The following SCP2 variants were observed in gnomAD, a reference collection of about 807,000 sequenced individuals.
SCP2 encodes the protein SCP-2/3-oxoacyl-CoA thiolase.
SCP2 carries 48 observed loss-of-function variants against 71.4 expected under a neutral mutation model. The ratio of observed to expected loss-of-function variants is 0.67; its 90% CI spans 0.53 to 0.86. SCP2 has a LOEUF of 0.86. Ranked by LOEUF, SCP2 falls within the 40% of genes least tolerant of loss-of-function variation. SCP2 has a pLI of 0.00. For missense variants in SCP2, 560 were observed against 655.6 expected (o/e 0.85, Z 1.59); for synonymous variants, 220 against 218.1 (o/e 1.01, Z -0.08).
intron 11 of SCP2, among the ~76,000 whole-genome samples, chr1:52,989,156 A>G (rs1659253112): frequency 6.6e-6 from 1 of 152,208 alleles, no homozygotes; most frequent in African/African-American, 2.4e-5. Context: ...ACAATATACT[A>G]TTATTATTGT....
intron 2 of SCP2, among the ~76,000 whole-genome samples, chr1:52,944,520 C>T (rs1056066177): frequency 1.3e-5 from 2 of 152,108 alleles, no homozygotes; most frequent in Non-Finnish European, 2.9e-5. Flanking sequence ...TAAATGTTCT[C>T]CTCTCAATTG....
At position 52,987,602 on chromosome 1, in the gene SCP2, T is replaced by C. The variant is rs148325811; in HGVS notation, c.974-427T>C. Among the ~76,000 whole-genome samples the C allele has an allele frequency of 3.3e-4, 51 of 152,324 alleles. No homozygotes were observed. The East Asian group carries it at 9.1e-3, about 27-fold the overall frequency. ...TTTCTCTTCATTTTATGAAAGTGCC[T>C]TTTTTCTCCTGTTTTTCCATATTTA... On this transcript the variant is annotated intron_variant, in intron 10 of 15. Transcript: ENST00000371514.
intron 1 of SCP2, among the ~76,000 whole-genome samples, chr1:52,933,471 C>T (rs1485346240): frequency 6.6e-6 from 1 of 152,000 alleles, no homozygotes; most frequent in East Asian, 1.9e-4. Flanking sequence ...TATGTTTAAA[C>T]AAGAGTTTGT....
At chr1:52,952,546 T>C (rs1352259752) in intron 4 of SCP2, among the ~76,000 whole-genome samples, 4 of 152,170 alleles carry the variant, frequency 2.6e-5, no homozygotes, top group South Asian at 2.1e-4. Context: ...ATGGACATTG[T>C]TGCTTGCATT....
chr1:53,028,098 GA>G, intron 13 of SCP2, 27 bp downstream of exon 13: 1 of 1,302,994 alleles, frequency 7.7e-7, no homozygotes, highest in Non-Finnish European at 1.1e-6. Flanking sequence ...ATATTGCCAG[GA>G]AGGACCTTGA....
At chr1:52,978,434 C>A in intron 9 of SCP2, 67 bp downstream of exon 9, 1 of 1,253,594 alleles carries the variant, frequency 8.0e-7, no homozygotes, top group Non-Finnish European at 1.2e-6. Context: ...TGTGATGGAG[C>A]CATGCATTAT....
chr1:52,994,304 C>T (rs114498258), intron 11 of SCP2: 17 of 995,446 alleles, frequency 1.7e-5, no homozygotes, highest in East Asian at 1.1e-4. Flanking sequence ...AGCTTCCTTA[C>T]GCATATAGGA....
intron 1 of SCP2, chr1:52,940,221 TG>T (rs1262770853): frequency 6.6e-6 from 1 of 152,150 alleles, no homozygotes; most frequent in Non-Finnish European, 1.5e-5. Flanking sequence ...CTGGGCAACA[TG>T]GCAAAACCCC....
chr1:53,005,689 T>A (rs1282298155), intron 11 of SCP2, among the ~76,000 whole-genome samples: 2 of 152,146 alleles, frequency 1.3e-5, no homozygotes, highest in Non-Finnish European at 2.9e-5. Flanking sequence ...GCAGAAAAGC[T>A]GAAAATTCTA....
intron 11 of SCP2, among the ~76,000 whole-genome samples, chr1:53,013,421 T>TAA (rs776237493): frequency 8.5e-6 from 1 of 117,194 alleles, no homozygotes; most frequent in Non-Finnish European, 1.7e-5. Context: ...CCGTCTCTAC[T>TAA]AAAAAAAAAA....
At chr1:52,942,742 A>G (rs911089664) in intron 2 of SCP2, among the ~76,000 whole-genome samples, 3 of 133,438 alleles carry the variant, frequency 2.2e-5, no homozygotes, top group Non-Finnish European at 3.1e-5. Flanking sequence ...CTTGTTGCCC[A>G]AGGTAGAGTG....
At chr1:52,941,028 C>T (rs376681629) in intron 1 of SCP2, among the ~76,000 whole-genome samples, 4 of 152,238 alleles carry the variant, frequency 2.6e-5, no homozygotes, top group Middle Eastern at 3.4e-3. Flanking sequence ...GGATTACAGG[C>T]GGGAGCCACC....
chr1:52,982,023 C>G (rs1487035604), intron 10 of SCP2, among the ~76,000 whole-genome samples: 1 of 151,856 alleles, frequency 6.6e-6, no homozygotes, highest in Non-Finnish European at 1.5e-5. Flanking sequence ...TTCAACTTAT[C>G]GATTGTTTTT....
At chr1:53,036,618 T>G (rs1032639096) in intron 13 of SCP2, among the ~76,000 whole-genome samples, 4 of 149,948 alleles carry the variant, frequency 2.7e-5, no homozygotes, top group African/African-American at 7.3e-5. Context: ...AATCTACTTT[T>G]TCTGTTTAAT....
intron 11 of SCP2, among the ~76,000 whole-genome samples, chr1:53,005,957 A>G (rs542045874): frequency 3.3e-5 from 5 of 152,336 alleles, no homozygotes; most frequent in East Asian, 3.9e-4. Context: ...GCTGAAAACC[A>G]TGGCACAAGA....
intron 14 of SCP2, among the ~76,000 whole-genome samples, chr1:53,047,178 G>A (rs1170415028): frequency 6.6e-6 from 1 of 152,220 alleles, no homozygotes; most frequent in African/African-American, 2.4e-5. Flanking sequence ...CCAGTTCCCT[G>A]CCACGTGGCC....
intron 6 of SCP2, among the ~76,000 whole-genome samples, chr1:52,963,401 C>T (rs1048931093): frequency 3.3e-5 from 5 of 151,806 alleles, no homozygotes; most frequent in Non-Finnish European, 7.4e-5. Flanking sequence ...CTATAGTCTG[C>T]AGCATATTTA....
intron 13 of SCP2, among the ~76,000 whole-genome samples, chr1:53,036,775 T>C (rs559016082): frequency 8.2e-4 from 125 of 151,676 alleles, no homozygotes; most frequent in Admixed American, 1.7e-3. Flanking sequence ...GATTTTCTTG[T>C]TTTTGGTACA....
chr1:53,032,551 G>C (rs1211594330), intron 13 of SCP2, among the ~76,000 whole-genome samples: 1 of 152,184 alleles, frequency 6.6e-6, no homozygotes, highest in Non-Finnish European at 1.5e-5. Flanking sequence ...CAAGCACTTG[G>C]CACGTAAGTT....
Sources: allele counts gnomAD v4.1 joint callset (sites outside exome capture counted in the v4.1 genomes callset), GRCh38; gene constraint gnomAD v4.1.1; transcripts MANE v1.5; gene names NCBI Gene and HGNC (gene_info 2026-07-23, HGNC 2026-07-21).